The following LRP5 variants were observed in gnomAD, a reference collection of about 807,000 sequenced individuals.
The protein encoded by LRP5 is LDL receptor related protein 5.
Under a neutral mutation model 154.1 loss-of-function variants are expected in LRP5, and 62 were observed. The ratio of observed to expected loss-of-function variants is 0.40; its 90% confidence interval spans 0.33 to 0.50. The LOEUF (loss-of-function observed/expected upper bound fraction) is 0.50, where lower values mean the gene tolerates loss of function less well. Among genes scored for constraint, LRP5 ranks in the 20% least tolerant of loss-of-function variants. The pLI, the probability that LRP5 is intolerant of heterozygous loss-of-function variation, is 0.55. For synonymous variants in LRP5, 966 were observed against 1,011.5 expected, an observed-to-expected ratio of 0.96 and a Z score of 0.85; for missense variants, 1,915 against 2,336.7, an observed-to-expected ratio of 0.82 and a Z score of 3.72.
At chr11:68,317,139 G>A (rs898176756) in intron 1 of LRP5, among the ~76,000 whole-genome samples, 8 of 152,204 alleles carry the variant, frequency 5.3e-5, no homozygotes, top group Non-Finnish European at 1.2e-4. Flanking sequence ...GGCTTGCTAC[G>A]AGCCGGCCTC....
intron 17 of LRP5, among the ~76,000 whole-genome samples, 196 bp downstream of exon 17, chr11:68,429,896 G>A (rs146592611): frequency 4.8e-4 from 73 of 152,240 alleles, no homozygotes; most frequent in African/African-American, 1.3e-3. Context: ...TAAGTACTGC[G>A]TTTCCTGCAT....
intron 1 of LRP5, among the ~76,000 whole-genome samples, chr11:68,330,142 C>T (rs2098601914): frequency 6.6e-6 from 1 of 152,086 alleles, no homozygotes; most frequent in African/African-American, 2.4e-5. Flanking sequence ...TGTGTGCATG[C>T]GTGTGTTTGT....
Position 68,429,638 on chromosome 11 carries a change from G to A in LRP5, c.3701G>A (p.Gly1234Glu). Residue 1234 changes from glycine to glutamate, a missense_variant, in exon 17 of 23, where the codon GGG becomes GAG. This residue lies in a region of LRP5 where 1,094 missense variants were observed against 1,210.1 expected (regional missense o/e 0.90). Coordinates refer to ENST00000294304, the MANE Select transcript of LRP5 (RefSeq NM_002335.4). ...CSHICIAKGDGTPRCSCPVHL... is the reference protein window; with the variant it reads ...CSHICIAKGDETPRCSCPVHL... ...CACATCTGTATTGCCAAGGGTGATG[G>A]GACACCACGGTGCTCATGCCCAGTC... 1 of 1,614,132 alleles carries A rather than the reference G, an allele frequency of 6.2e-7. No homozygotes were observed. The highest frequency in any genetic ancestry group is 8.5e-7 in the Non-Finnish European group (1 of 1,180,022).
chr11:68,396,870 G>T (rs577442927), intron 7 of LRP5, among the ~76,000 whole-genome samples: 7 of 152,154 alleles, frequency 4.6e-5, no homozygotes, highest in African/African-American at 1.7e-4. Context: ...GCTTGGAGCC[G>T]CATCCGAGTC....
At chr11:68,429,459 C>T (rs1040750923) in intron 16 of LRP5, 116 bp from the exon 17 acceptor site, 25 of 1,305,172 alleles carry the variant, frequency 1.9e-5, no homozygotes, top group Middle Eastern at 2.6e-4. Flanking sequence ...CCAGAGAGGC[C>T]GGGCCTGCAG....
chr11:68,316,515 G>T (rs1168261651), intron 1 of LRP5, among the ~76,000 whole-genome samples: 2 of 152,182 alleles, frequency 1.3e-5, no homozygotes, highest in African/African-American at 2.4e-5. Flanking sequence ...CAAGTGAGCT[G>T]CCGGCCTCGG....
intron 13 of LRP5, among the ~76,000 whole-genome samples, chr11:68,421,732 T>TGGG (rs2098665838): frequency 6.9e-6 from 1 of 145,842 alleles, no homozygotes; most frequent in African/African-American, 2.5e-5. Flanking sequence ...GTGGTGTGTG[T>TGGG]GTGGTGTGTG....
intron 3 of LRP5, among the ~76,000 whole-genome samples, chr11:68,362,493 G>A (rs1240813977): frequency 6.6e-6 from 1 of 152,116 alleles, no homozygotes; most frequent in Non-Finnish European, 1.5e-5. Flanking sequence ...GACCAGCCTT[G>A]GGCAACATGG....
At chr11:68,408,284 C>T (rs1266189905) in intron 9 of LRP5, among the ~76,000 whole-genome samples, 1 of 140,126 alleles carries the variant, frequency 7.1e-6, no homozygotes, top group Non-Finnish European at 1.5e-5. Flanking sequence ...ACAGGGTTTC[C>T]GCATGTTGCC....
the LRP5 span, among the ~76,000 whole-genome samples, chr11:68,306,117 T>C: frequency 6.6e-6 from 1 of 152,170 alleles, no homozygotes; most frequent in African/African-American, 2.4e-5. Context: ...TCTCCTCTTC[T>C]GTCTCAGATC....
intron 1 of LRP5, among the ~76,000 whole-genome samples, chr11:68,319,593 G>C (rs2098595554): frequency 6.6e-6 from 1 of 151,850 alleles, no homozygotes; most frequent in Non-Finnish European, 1.5e-5. Context: ...TGGGCTCAAA[G>C]GATCTTCCTG....
At chr11:68,389,156 A>ATTTACCGACACCGTTTACCAACACCGACG (rs2098644719) in intron 6 of LRP5, among the ~76,000 whole-genome samples, 20 of 114,618 alleles carry the variant, frequency 1.7e-4, no homozygotes, top group African/African-American at 7.3e-4. Flanking sequence ...CAACACTGAA[A>ATTTACCGACACCGTTTACCAACACCGACG]TTTACCGACA....
upstream of LRP5, among the ~76,000 whole-genome samples, chr11:68,308,569 C>T (rs1006072274): frequency 2.6e-5 from 4 of 152,202 alleles, no homozygotes; most frequent in African/African-American, 4.8e-5. Flanking sequence ...TTACTTATTA[C>T]GTTACTGAAG....
At chr11:68,368,882 T>C (rs1235351276) in intron 5 of LRP5, among the ~76,000 whole-genome samples, 1 of 149,456 alleles carries the variant, frequency 6.7e-6, no homozygotes, top group African/African-American at 2.5e-5. Flanking sequence ...AGAGTCTTGC[T>C]CTGTTGTCCA....
At chr11:68,421,140 T>A (rs1051223298) in intron 13 of LRP5, among the ~76,000 whole-genome samples, 1 of 151,942 alleles carries the variant, frequency 6.6e-6, no homozygotes, top group Admixed American at 6.6e-5. Flanking sequence ...GGCAGGAGAA[T>A]GGCGTGAACC....
intron 5 of LRP5, among the ~76,000 whole-genome samples, chr11:68,368,476 C>A (rs2098632300): frequency 6.6e-6 from 1 of 152,232 alleles, no homozygotes; most frequent in Non-Finnish European, 1.5e-5. Flanking sequence ...GGCTGTGTGA[C>A]CTGTGTAGTC....
intron 16 of LRP5, among the ~76,000 whole-genome samples, chr11:68,428,102 C>T (rs940186362): frequency 2.0e-5 from 3 of 151,800 alleles, no homozygotes; most frequent in Non-Finnish European, 4.4e-5. Context: ...AAGTGATTCT[C>T]CTACCTCAGC....
chr11:68,308,084 A>C (rs532837849), upstream of LRP5, among the ~76,000 whole-genome samples: 4 of 152,330 alleles, frequency 2.6e-5, no homozygotes, highest in African/African-American at 9.6e-5. Context: ...CTCCTGGGGC[A>C]GGTTGCTGAG....
At chr11:68,433,185 AG>A (rs1345503436) in intron 17 of LRP5, among the ~76,000 whole-genome samples, 1 of 152,184 alleles carries the variant, frequency 6.6e-6, no homozygotes, top group Non-Finnish European at 1.5e-5. Flanking sequence ...AGGAGGGCGC[AG>A]TGGGCACTCA....
Sources: gnomAD v4.1 joint callset for allele counts (sites outside exome capture counted in the v4.1 genomes callset) on GRCh38, gnomAD v4.1.1 for gene constraint, gnomAD v4.1.1 regional missense constraint, MANE v1.5 for transcripts, NCBI Gene and HGNC (gene_info 2026-07-23, HGNC 2026-07-21) for gene names.